COL4A3: variants seen among roughly 807,000 people sequenced by gnomAD.
COL4A3 encodes the protein collagen alpha-3(IV) chain.
COL4A3 carries 135 observed loss-of-function variants against 217.4 expected under a neutral mutation model. That is an observed-to-expected ratio of 0.62 (90% CI 0.54 to 0.72). The LOEUF (loss-of-function observed/expected upper bound fraction) is 0.72. Ranked by LOEUF, COL4A3 falls within the 30% of genes least tolerant of loss-of-function variation. The probability of loss-of-function intolerance (pLI) is 0.00; values close to 1 mark genes in which losing one functional copy is unlikely to be tolerated. For synonymous variants in COL4A3, 690 were observed against 736.3 expected (o/e 0.94, Z 1.02); for missense variants, 1,868 against 2,119.9 (o/e 0.88, Z 2.33).
chr2:227,303,450 G>A (rs954087873), intron 44 of COL4A3, among the ~76,000 whole-genome samples: 2 of 152,174 alleles, frequency 1.3e-5, no homozygotes, highest in African/African-American at 4.8e-5. Flanking sequence ...TAAAGCTAGA[G>A]TAATAAGCTG....
intron 1 of COL4A3, among the ~76,000 whole-genome samples, chr2:227,180,200 A>G (rs1372868670): frequency 1.3e-5 from 2 of 152,218 alleles, no homozygotes; most frequent in African/African-American, 4.8e-5. Context: ...GCAAAAGCAG[A>G]TCAGCAATCC....
Position 227,273,209 on chromosome 2 carries a change from T to C in COL4A3, c.1927+92T>C, listed in dbSNP as rs929633807. 79 of 1,341,208 alleles carry C rather than the reference T, an allele frequency of 5.9e-5. 1 individual carries two copies. In the South Asian group the frequency reaches 8.6e-4, roughly 15 times the overall value. 83.1% of individuals were successfully genotyped at this position (1,341,208 alleles called of 1,614,324 possible). ...AGCTTCTCCAAGACTAAGGAAAATA[T>C]AGAAACTTGCTTCTAACGAATAGAA... On this transcript the variant is annotated intron_variant, in intron 26 of 51. Coordinates refer to ENST00000396578, the MANE Select transcript of COL4A3 (RefSeq NM_000091.5).
rs1340106664 is a variant in COL4A3 at position 227,219,467 on chromosome 2, C to T, written c.88-18501C>T. ...CAATCCCAAAGACTTTTGTTAATTC[C>T]CCCTTGGCTTTCTTGTCTATCTGCT... On this transcript the variant is annotated intron_variant, in intron 1 of 51. Transcript: ENST00000396578. 5.9e-5 allele frequency among the ~76,000 whole-genome samples: 9 copies of T among 152,270 alleles called. No individual in the cohort carries two copies. The South Asian group carries it at 6.2e-4, about 11-fold the overall frequency.
intron 43 of COL4A3, among the ~76,000 whole-genome samples, chr2:227,301,614 G>T (rs558457722): frequency 4.6e-4 from 70 of 152,326 alleles, no homozygotes; most frequent in African/African-American, 1.7e-3. Flanking sequence ...GATATATAAA[G>T]CTTGGTTTGG....
chr2:227,167,935 T>C (rs2065336886), intron 1 of COL4A3, among the ~76,000 whole-genome samples: 1 of 152,366 alleles, frequency 6.6e-6, no homozygotes, highest in East Asian at 1.9e-4. Context: ...ATAAGTATTA[T>C]TGTTTTGTGG....
At position 227,273,027 on chromosome 2, in the gene COL4A3, G is replaced by GCTGGACCAC; in HGVS notation, c.1842_1850dup (p.Pro615_Gly617dup). On this transcript the variant is annotated inframe_insertion, in exon 26 of 52. Transcript: ENST00000396578. ...TGGGTCCCCAGGACCTGCAGGACCA[G>GCTGGACCAC]CTGGACCACCTGGCTACGGACCCCA... 6.2e-7 allele frequency: 1 copy of GCTGGACCAC among 1,614,102 alleles called. No homozygotes were observed. Among genetic ancestry groups the GCTGGACCAC allele is most frequent in the Non-Finnish European group, 8.5e-7 (1 of 1,180,012 alleles).
At chr2:227,206,470 A>G (rs1199916989) in intron 1 of COL4A3, among the ~76,000 whole-genome samples, 1 of 152,228 alleles carries the variant, frequency 6.6e-6, no homozygotes, top group Non-Finnish European at 1.5e-5. Context: ...TGATAGGCTC[A>G]GGTGGGAACT....
intron 1 of COL4A3, among the ~76,000 whole-genome samples, chr2:227,185,568 T>C (rs1329415191): frequency 6.6e-6 from 1 of 152,234 alleles, no homozygotes; most frequent in African/African-American, 2.4e-5. Context: ...ATAAAGAGAA[T>C]ATCTATTTAA....
chr2:227,296,812 T>C (rs1328736572), intron 41 of COL4A3, among the ~76,000 whole-genome samples: 5 of 152,342 alleles, frequency 3.3e-5, no homozygotes, highest in Non-Finnish European at 1.5e-5. Context: ...AAGTCTTTAC[T>C]ATATAATAAC....
At position 227,310,955 on chromosome 2, in the gene COL4A3, A is replaced by C. The variant is rs764806404; in HGVS notation, c.4928+7A>C. 6.8e-6 allele frequency: 11 copies of C among 1,612,978 alleles called. No homozygotes were observed. The highest frequency in any genetic ancestry group is 3.7e-4 in the Middle Eastern group (2 of 5,354). ...ACCCAGAAAGAATGTTCAGGTAACT[A>C]TTCACCATCAAGCTTAATCTGATGA... On this transcript the variant is annotated splice_region_variant and intron_variant, in intron 51 of 51. Coordinates refer to ENST00000396578, the MANE Select transcript of COL4A3 (RefSeq NM_000091.5).
chr2:227,251,510 C>A, intron 11 of COL4A3, 139 bp downstream of exon 11: 1 of 739,352 alleles, frequency 1.4e-6, no homozygotes, highest in Non-Finnish European at 2.4e-6. Context: ...AAGAGCATGG[C>A]TAGCTGCTCT....
At chr2:227,254,767 G>C in intron 15 of COL4A3, 52 bp downstream of exon 15, 1 of 1,281,988 alleles carries the variant, frequency 7.8e-7, no homozygotes, top group Non-Finnish European at 1.1e-6. Flanking sequence ...CAGGACTTGG[G>C]ACTCTTTAGG....
At chr2:227,226,443 CTTCT>C (rs895352790) in intron 1 of COL4A3, among the ~76,000 whole-genome samples, 1 of 149,614 alleles carries the variant, frequency 6.7e-6, no homozygotes, top group African/African-American at 2.5e-5. Flanking sequence ...CAGCTGATCT[CTTCT>C]TTAAGTTTCT....
At position 227,281,017 on chromosome 2, in the gene COL4A3, G is replaced by T. The variant is rs2071925658; in HGVS notation, c.2488+11G>T. The T allele has an allele frequency of 1.3e-6, 2 of 1,540,260 alleles. No individual in the cohort carries two copies. Among genetic ancestry groups the T allele is most frequent in the Non-Finnish European group, 1.8e-6 (2 of 1,136,050 alleles). The stretch of plus-strand genomic sequence containing the variant: ...TGAAAGGGCAACAAGGTAGGAGGAG[G>T]GCCTCAAAACTGGCCACCAGAAGGG... On this transcript the variant is annotated intron_variant, in intron 31 of 51. Transcript: ENST00000396578.
At position 227,290,049 on chromosome 2, in the gene COL4A3, C is replaced by T. The variant is rs73996408; in HGVS notation, c.3031C>T (p.Arg1011Cys). The T allele has an allele frequency of 3.9e-4, 631 of 1,614,128 alleles. 4 individuals are homozygous for T. In the African/African-American group the frequency reaches 7.1e-3, roughly 18 times the overall value. The change falls in exon 36 of 52, where the codon CGT becomes TGT. Residue 1011 changes from arginine to cysteine, a missense_variant. Arg to Cys is a radical substitution (Grantham distance 180). Around this residue, in one of 2 missense-constraint regions of COL4A3, gnomAD observed 1,503 missense variants for 1,786.1 expected, o/e 0.84. Transcript: ENST00000396578. ...STGNPGEPGLRGIPGSMGNMG... is the reference protein window; with the variant it reads ...STGNPGEPGLCGIPGSMGNMG... ...TGGGAATCCTGGAGAACCAGGACTGCGTGGTATACCAGGAAGCATGGGGAA... is the reference window on the plus strand; with the variant it reads ...TGGGAATCCTGGAGAACCAGGACTGTGTGGTATACCAGGAAGCATGGGGAA...
At chr2:227,240,332 C>T (rs2068950369) in intron 3 of COL4A3, 100 bp downstream of exon 3, 11 of 1,144,492 alleles carry the variant, frequency 9.6e-6, no homozygotes, top group Non-Finnish European at 1.4e-5. Context: ...CACATCTTAG[C>T]CAACTGCTAG....
chr2:227,228,551 G>C (rs1019340640), intron 1 of COL4A3: 8 of 152,588 alleles, frequency 5.2e-5, no homozygotes, highest in African/African-American at 1.9e-4. Flanking sequence ...GCTGGGCTGG[G>C]CTGGGCTGCG....
chr2:227,212,342 C>T (rs771177817), intron 1 of COL4A3, among the ~76,000 whole-genome samples: 11 of 152,058 alleles, frequency 7.2e-5, no homozygotes, highest in Non-Finnish European at 1.3e-4. Flanking sequence ...TTAATGATAT[C>T]TTTCCCTACC....
intron 9 of COL4A3, among the ~76,000 whole-genome samples, chr2:227,249,139 A>C (rs1469187981): frequency 2.1e-5 from 3 of 144,936 alleles, no homozygotes; most frequent in Admixed American, 7.0e-5. Context: ...TGTGATTCAA[A>C]AAGACCCTTT....
Sources: gnomAD v4.1 joint callset for allele counts (sites outside exome capture counted in the v4.1 genomes callset) on GRCh38, gnomAD v4.1.1 for gene constraint, gnomAD v4.1.1 regional missense constraint, MANE v1.5 for transcripts, NCBI Gene and HGNC (gene_info 2026-07-23, HGNC 2026-07-21) for gene names.